The following KLF13 variants were observed in gnomAD, a reference collection of about 807,000 sequenced individuals.
KLF13 encodes Krueppel-like factor 13.
Under a neutral mutation model 16.7 loss-of-function variants are expected in KLF13, and 8 were observed. The ratio of observed to expected loss-of-function variants is 0.48; its 90% CI spans 0.28 to 0.87. The LOEUF (loss-of-function observed/expected upper bound fraction) is 0.87, where lower values mean the gene tolerates loss of function less well. KLF13 is among the 40% of genes least tolerant of loss of function. KLF13 has a pLI of 0.10. For synonymous variants in KLF13, 245 were observed against 208.4 expected (o/e 1.18, Z -1.51); for missense variants, 447 against 452.2 (o/e 0.99, Z 0.10).
intron 1 of KLF13, among the ~76,000 whole-genome samples, chr15:31,330,787 A>G (rs1009866338): frequency 1.3e-5 from 2 of 152,266 alleles, no homozygotes; most frequent in Non-Finnish European, 2.9e-5. Flanking sequence ...ACACAAAACC[A>G]AGAAAAACAT....
chr15:31,401,914 C>T (rs189138236), intron 2 of KLF13, among the ~76,000 whole-genome samples: 4 of 152,322 alleles, frequency 2.6e-5, no homozygotes, highest in Admixed American at 6.5e-5. Context: ...TGGAGTGGCA[C>T]GCAAGCCTGC....
Position 31,420,429 on chromosome 15 carries a change from C to T in KLF13, n.118-14941C>T, listed in dbSNP as rs1447334343. On this transcript the variant is annotated intron_variant and non_coding_transcript_variant, in intron 1 of 1. Transcript: ENST00000558225. ...GAGCCCACAGTGAAGTTCCTCACAT[C>T]CTGCTACCACCCCAACATAGACACC... is the stretch of plus-strand genomic sequence containing the variant. The T allele has an allele frequency of 4.2e-6, 4 of 961,358 alleles. No homozygotes were observed. In the East Asian group the frequency reaches 9.1e-5, roughly 22 times the overall value. 59.6% of individuals were successfully genotyped at this position (961,358 alleles called of 1,614,324 possible). A position where few individuals can be genotyped will look rare whatever the true frequency, so the allele number is the denominator to read the frequency against.
At chr15:31,339,958 A>C (rs954668471) in intron 1 of KLF13, 12 of 702,236 alleles carry the variant, frequency 1.7e-5, no homozygotes, top group Non-Finnish European at 3.1e-5. Context: ...ATTATCTTGT[A>C]AAGAGTCACC....
chr15:31,347,055 G>A (rs150844961), intron 1 of KLF13, among the ~76,000 whole-genome samples: 54 of 152,310 alleles, frequency 3.5e-4, no homozygotes, highest in African/African-American at 1.0e-3. Context: ...TCTGTGACAG[G>A]GCACGACACC....
intron 1 of KLF13, among the ~76,000 whole-genome samples, chr15:31,342,028 C>T (rs1444567873): frequency 6.6e-6 from 1 of 152,134 alleles, no homozygotes; most frequent in African/African-American, 2.4e-5. Flanking sequence ...AGGTAACCAA[C>T]CCCTCTCAGG....
At chr15:31,392,831 G>A (rs1384748352), upstream of KLF13, 21 of 92,790 alleles carry the variant, frequency 2.3e-4, no homozygotes, top group African/African-American at 7.0e-4. Context: ...CCCCGCCCCC[G>A]CCCCCGCCCG....
chr15:31,417,254 G>A (rs2040265801), intron 1 of KLF13, among the ~76,000 whole-genome samples: 1 of 152,066 alleles, frequency 6.6e-6, no homozygotes, highest in Non-Finnish European at 1.5e-5. Flanking sequence ...CAGCACTTTG[G>A]GAGGCCGAGA....
chr15:31,369,856 A>C (rs1220531713), intron 1 of KLF13, among the ~76,000 whole-genome samples: 1 of 152,140 alleles, frequency 6.6e-6, no homozygotes, highest in Non-Finnish European at 1.5e-5. Flanking sequence ...TCTGATGTCT[A>C]TCCCAGCCTT....
At chr15:31,403,093 G>C (rs1417422727) in intron 2 of KLF13, among the ~76,000 whole-genome samples, 1 of 152,168 alleles carries the variant, frequency 6.6e-6, no homozygotes, top group African/African-American at 2.4e-5. Context: ...CGGCTCGATT[G>C]CCAGTTCCAA....
rs1000283506 is a variant in KLF13, at chr15:31,413,201, AAC to A, written n.117+19512_117+19513del. Among the ~76,000 whole-genome samples the A allele has an allele frequency of 2.7e-4, 40 of 149,612 alleles. 3 individuals are homozygous for A. The South Asian group carries it at 3.2e-3, about 12-fold the overall frequency. On this transcript the variant is annotated intron_variant and non_coding_transcript_variant, in intron 1 of 1. Coordinates refer to the KLF13 transcript ENST00000558225. Reference sequence around the variant, plus strand: ...AAATGAATAGACAAAAAAAAAAAAAAACAAAAAACAAAAAAACCAGCCTCAGA... The same window carrying A: ...AAATGAATAGACAAAAAAAAAAAAAAAAAAAACAAAAAAACCAGCCTCAGA...
At chr15:31,408,685 C>T (rs187828039), downstream of KLF13, among the ~76,000 whole-genome samples, 1 of 152,216 alleles carries the variant, frequency 6.6e-6, no homozygotes, top group African/African-American at 2.4e-5. Flanking sequence ...TAAACAAAAA[C>T]TCTGAGCCAT....
chr15:31,384,275 C>T (rs1177568692), intron 1 of KLF13, among the ~76,000 whole-genome samples: 2 of 151,950 alleles, frequency 1.3e-5, no homozygotes, highest in Admixed American at 1.3e-4. Context: ...CTCGTCTCTA[C>T]TAAAAATACA....
Position 31,383,257 on chromosome 15 carries a change from C to G in KLF13, n.224-52113C>G, listed in dbSNP as rs571974154. Among the ~76,000 whole-genome samples the G allele has an allele frequency of 3.9e-5, 6 of 152,332 alleles. No individual in the cohort carries two copies. The East Asian group carries it at 9.6e-4, about 24-fold the overall frequency. On this transcript the variant is annotated intron_variant and non_coding_transcript_variant, in intron 1 of 1. Coordinates refer to the KLF13 transcript ENST00000558921. ...TGGGTTTTCTGAGATCGACTGTTGGCCTGTGGGGGCGGAACATGCTCAGAG... is the reference window on the plus strand; with the variant it reads ...TGGGTTTTCTGAGATCGACTGTTGGGCTGTGGGGGCGGAACATGCTCAGAG...
intron 1 of KLF13, among the ~76,000 whole-genome samples, chr15:31,414,820 T>C (rs1365097924): frequency 6.6e-6 from 1 of 152,172 alleles, no homozygotes; most frequent in East Asian, 1.9e-4. Context: ...AGAAGAAGAC[T>C]TGAATGACAC....
At chr15:31,430,061 T>C (rs2040453921) in intron 1 of KLF13, among the ~76,000 whole-genome samples, 1 of 152,146 alleles carries the variant, frequency 6.6e-6, no homozygotes, top group Non-Finnish European at 1.5e-5. Context: ...TTAAAGATCA[T>C]GCTCTGTTGC....
At chr15:31,388,713 T>G (rs756954677), upstream of KLF13, among the ~76,000 whole-genome samples, 21 of 149,126 alleles carry the variant, frequency 1.4e-4, no homozygotes, top group Non-Finnish European at 2.2e-4. Context: ...GTTGGTTTTA[T>G]TTTTAAAATT....
intron 1 of KLF13, among the ~76,000 whole-genome samples, chr15:31,329,137 G>A (rs1030288200): frequency 4.6e-5 from 7 of 151,964 alleles, no homozygotes; most frequent in African/African-American, 1.5e-4. Flanking sequence ...CGTGGCAGGT[G>A]ATGGGGTAGA....
chr15:31,423,019 A>C (rs990133188), intron 1 of KLF13, among the ~76,000 whole-genome samples: 6 of 150,188 alleles, frequency 4.0e-5, no homozygotes, highest in Admixed American at 3.3e-4. Context: ...CCTGGGTGAG[A>C]GTGAGACTCC....
Position 31,327,434 on chromosome 15 carries a change from A to G in KLF13, c.222A>G (p.Gln74=). 1 of 1,206,930 alleles carries G rather than the reference A, an allele frequency of 8.3e-7. No homozygotes were observed. Among genetic ancestry groups the G allele is most frequent in the South Asian group, 2.5e-5 (1 of 39,412 alleles). 74.8% of individuals were successfully genotyped at this position (1,206,930 alleles called of 1,614,324 possible). A position where few individuals can be genotyped will look rare whatever the true frequency, so the allele number is the denominator to read the frequency against. The change falls in exon 1 of 2, where the codon CAA becomes CAG. Residue 74 remains glutamine, a synonymous_variant. Coordinates refer to ENST00000307145, the MANE Select transcript of KLF13 (RefSeq NM_015995.4). ...VARILADLNQ[Q]APAPAPAERR... is the part of the protein sequence containing the mutation. The stretch of plus-strand genomic sequence containing the variant: ...GGATCCTAGCGGACCTCAACCAGCA[A>G]GCGCCGGCGCCCGCCCCGGCGGAGC...
Sources: gnomAD v4.1 joint callset for allele counts (sites outside exome capture counted in the v4.1 genomes callset) on GRCh38, gnomAD v4.1.1 for gene constraint, MANE v1.5 for transcripts, NCBI Gene and HGNC (gene_info 2026-07-23, HGNC 2026-07-21) for gene names.